Variants in RUNDC3B observed in about 807,000 individuals in gnomAD.
RUNDC3B encodes RUN domain-containing protein 3B.
RUNDC3B carries 33 observed loss-of-function variants against 58.4 expected under a neutral mutation model. That is an observed-to-expected ratio of 0.56 (90% CI 0.43 to 0.75). The LOEUF (loss-of-function observed/expected upper bound fraction) is 0.75. Among genes scored for constraint, RUNDC3B ranks in the 30% least tolerant of loss-of-function variants. The pLI is 0.00. For missense variants in RUNDC3B, 501 were observed against 535.7 expected (o/e 0.94, Z 0.64); for synonymous variants, 193 against 195.2 (o/e 0.99, Z 0.10).
At chr7:87,700,698 A>G (rs1368816003) in intron 3 of RUNDC3B, 144 bp downstream of exon 3, 1 of 693,886 alleles carries the variant, frequency 1.4e-6, no homozygotes, top group Admixed American at 3.1e-5. Flanking sequence ...ATGTTTCTAC[A>G]TTTCTTGAAT....
chr7:87,823,533 A>AC (rs1312094272), intron 10 of RUNDC3B, among the ~76,000 whole-genome samples: 1 of 152,016 alleles, frequency 6.6e-6, no homozygotes, highest in Non-Finnish European at 1.5e-5. Flanking sequence ...AGCAGTATAC[A>AC]CTGCACCCAA....
chr7:87,655,400 G>A (rs929801300), intron 2 of RUNDC3B, among the ~76,000 whole-genome samples: 2 of 152,096 alleles, frequency 1.3e-5, no homozygotes, highest in Non-Finnish European at 2.9e-5. Flanking sequence ...TTAAGAGGAA[G>A]AAAATCCTGT....
At chr7:87,820,102 G>T (rs1449025263) in intron 10 of RUNDC3B, among the ~76,000 whole-genome samples, 1 of 152,094 alleles carries the variant, frequency 6.6e-6, no homozygotes, top group Non-Finnish European at 1.5e-5. Context: ...TCCAGGAACT[G>T]GTTTTTTGAA....
Position 87,806,381 on chromosome 7 carries a change from G to T in RUNDC3B, c.957-992G>T, listed in dbSNP as rs191440298. The stretch of plus-strand genomic sequence containing the variant: ...CTCACCTCTCTGTTACCCACAACAG[G>T]ACTTTTATCTGTGGAAGTTAGTGGC... On this transcript the variant is annotated intron_variant, in intron 8 of 10. Transcript: ENST00000394654. Among the ~76,000 whole-genome samples the T allele has an allele frequency of 1.4e-3, 206 of 152,214 alleles. 1 individual carries two copies. Among genetic ancestry groups the T allele is most frequent in the African/African-American group, 4.8e-3 (201 of 41,538 alleles).
intron 6 of RUNDC3B, among the ~76,000 whole-genome samples, chr7:87,754,639 C>T (rs1026426231): frequency 3.9e-5 from 6 of 151,926 alleles, no homozygotes; most frequent in South Asian, 4.2e-4. Flanking sequence ...AAAACATCAA[C>T]GAATCCAGGA....
chr7:87,756,419 A>G (rs1241008198), intron 6 of RUNDC3B, among the ~76,000 whole-genome samples: 4 of 152,028 alleles, frequency 2.6e-5, no homozygotes, highest in African/African-American at 9.7e-5. Flanking sequence ...ATCTATAAAG[A>G]TGATGTCAGG....
intron 10 of RUNDC3B, among the ~76,000 whole-genome samples, chr7:87,828,204 A>G (rs1177151185): frequency 1.3e-5 from 2 of 152,170 alleles, no homozygotes; most frequent in East Asian, 3.8e-4. Flanking sequence ...AGTAATTATT[A>G]TACTGTCTTT....
At chr7:87,751,749 G>A (rs1390313775) in intron 6 of RUNDC3B, among the ~76,000 whole-genome samples, 9 of 152,184 alleles carry the variant, frequency 5.9e-5, no homozygotes, top group Non-Finnish European at 1.3e-4. Context: ...CTTTGCTGAA[G>A]TTGCTTATCA....
chr7:87,700,604 A>G, intron 3 of RUNDC3B, 50 bp downstream of exon 3: 1 of 1,550,340 alleles, frequency 6.5e-7, no homozygotes, highest in Non-Finnish European at 8.8e-7. Context: ...CATTGCATGT[A>G]TTTGGAATAG....
intron 8 of RUNDC3B, among the ~76,000 whole-genome samples, chr7:87,803,121 AC>A: frequency 6.6e-6 from 1 of 152,228 alleles, no homozygotes; most frequent in East Asian, 1.9e-4. Context: ...AGATATAGGA[AC>A]TTTTCAGGGG....
intron 4 of RUNDC3B, chr7:87,713,065 A>G (rs1338460064): frequency 6.6e-6 from 1 of 152,144 alleles, no homozygotes; most frequent in Admixed American, 6.6e-5. Context: ...TCTTAATTCT[A>G]ATTAAATTTG....
chr7:87,822,016 G>T (rs1481611908), intron 10 of RUNDC3B, among the ~76,000 whole-genome samples: 4 of 151,690 alleles, frequency 2.6e-5, no homozygotes, highest in Non-Finnish European at 5.9e-5. Flanking sequence ...AAAAGCAATG[G>T]CAACAAAAGC....
At chr7:87,827,983 A>G (rs1183041266) in intron 10 of RUNDC3B, among the ~76,000 whole-genome samples, 2 of 152,090 alleles carry the variant, frequency 1.3e-5, no homozygotes, top group African/African-American at 2.4e-5. Context: ...ACCCTATCTC[A>G]AGAGAAAAAA....
chr7:87,743,044 G>A (rs191810846), intron 6 of RUNDC3B, among the ~76,000 whole-genome samples: 1 of 152,050 alleles, frequency 6.6e-6, no homozygotes, highest in Admixed American at 6.6e-5. Context: ...AACCTGGGAG[G>A]CGGAGGTTGC....
chr7:87,706,120 T>A (rs1361687223), intron 3 of RUNDC3B, among the ~76,000 whole-genome samples: 2 of 152,182 alleles, frequency 1.3e-5, no homozygotes, highest in Non-Finnish European at 2.9e-5. Flanking sequence ...TTAGACCAGT[T>A]TCAGAATATG....
At chr7:87,797,718 ATTG>A (rs1222823057) in intron 8 of RUNDC3B, among the ~76,000 whole-genome samples, 1 of 152,150 alleles carries the variant, frequency 6.6e-6, no homozygotes, top group Non-Finnish European at 1.5e-5. Flanking sequence ...CTTATGGAAT[ATTG>A]TTAAGTTTTA....
At chr7:87,671,418 A>G (rs896054652) in intron 2 of RUNDC3B, among the ~76,000 whole-genome samples, 2 of 152,170 alleles carry the variant, frequency 1.3e-5, no homozygotes, top group African/African-American at 2.4e-5. Context: ...CAAGCCTGGA[A>G]GACCTGTCTG....
intron 4 of RUNDC3B, among the ~76,000 whole-genome samples, chr7:87,715,706 C>G (rs1583985792): frequency 6.6e-6 from 1 of 151,384 alleles, no homozygotes; most frequent in Non-Finnish European, 1.5e-5. Flanking sequence ...CACTAGTTGT[C>G]TTGTTAGGAA....
intron 7 of RUNDC3B, among the ~76,000 whole-genome samples, chr7:87,775,280 G>A (rs902165337): frequency 6.6e-6 from 1 of 151,944 alleles, no homozygotes; most frequent in Admixed American, 6.6e-5. Context: ...TTGTGACTTC[G>A]TTTTTAACAG....
Sources: allele counts gnomAD v4.1 joint callset (sites outside exome capture counted in the v4.1 genomes callset), GRCh38; gene constraint gnomAD v4.1.1; transcripts MANE v1.5; gene names NCBI Gene and HGNC (gene_info 2026-07-23, HGNC 2026-07-21).